Variants in CEP128 observed in about 807,000 individuals in gnomAD.
CEP128 encodes centrosomal protein 128kDa.
A neutral mutation model predicts 156.7 loss-of-function variants in CEP128; 132 were observed. The ratio of observed to expected loss-of-function variants is 0.84; its 90% CI spans 0.73 to 0.97. The LOEUF (loss-of-function observed/expected upper bound fraction) is 0.97. Among genes scored for constraint, CEP128 ranks in the 50% least tolerant of loss-of-function variants. The pLI is 0.00. For missense variants in CEP128, 1,252 were observed against 1,281.9 expected (o/e 0.98, Z 0.36); for synonymous variants, 469 against 448.9 (o/e 1.04, Z -0.57).
intron 19 of CEP128, among the ~76,000 whole-genome samples, chr14:80,613,661 A>G (rs1893098206): frequency 6.6e-6 from 1 of 152,024 alleles, no homozygotes; most frequent in Non-Finnish European, 1.5e-5. Context: ...TATTCAAATG[A>G]CGCTTTATAA....
At chr14:80,715,321 A>G (rs1161350608) in intron 19 of CEP128, among the ~76,000 whole-genome samples, 2 of 152,226 alleles carry the variant, frequency 1.3e-5, no homozygotes, top group African/African-American at 2.4e-5. Flanking sequence ...CTACTCTGAA[A>G]ATAGACCTCA....
At chr14:80,582,433 G>A (rs1258303592) in intron 19 of CEP128, among the ~76,000 whole-genome samples, 1 of 152,124 alleles carries the variant, frequency 6.6e-6, no homozygotes, top group Non-Finnish European at 1.5e-5. Context: ...ATAACAACTA[G>A]AGCAGGTCTG....
At chr14:80,769,380 T>C (rs2139725475) in intron 16 of CEP128, among the ~76,000 whole-genome samples, 1 of 152,244 alleles carries the variant, frequency 6.6e-6, no homozygotes, top group Non-Finnish European at 1.5e-5. Flanking sequence ...ATGTACCCAT[T>C]AACTCGTCAT....
At chr14:80,647,112 CACACACACACACAT>C (rs1199600591) in intron 19 of CEP128, among the ~76,000 whole-genome samples, 2 of 115,490 alleles carry the variant, frequency 1.7e-5, no homozygotes, top group Admixed American at 2.0e-4. Context: ...CACATACACA[CACACACACACACAT>C]ACACACACAC....
At chr14:80,791,816 C>CA (rs1262885138) in intron 14 of CEP128, among the ~76,000 whole-genome samples, 1 of 152,242 alleles carries the variant, frequency 6.6e-6, no homozygotes, top group East Asian at 1.9e-4. Flanking sequence ...GCATCTTTTC[C>CA]ATGACAGCTC....
chr14:80,828,021 A>C (rs1268006330), intron 13 of CEP128, among the ~76,000 whole-genome samples: 2 of 152,168 alleles, frequency 1.3e-5, no homozygotes, highest in South Asian at 2.1e-4. Context: ...TGTCTCCACC[A>C]ATGTAAGGGC....
intron 13 of CEP128, among the ~76,000 whole-genome samples, chr14:80,801,891 G>C (rs1228286207): frequency 8.7e-6 from 1 of 115,568 alleles, no homozygotes; most frequent in African/African-American, 3.2e-5. Context: ...CTGGGTGACA[G>C]TGTGAGACTC....
chr14:80,497,021 G>A lies in CEP128; in HGVS notation c.*458C>T, dbSNP rs1887521247. On this transcript the variant is annotated 3_prime_UTR_variant, in exon 25 of 25. Transcript: ENST00000555265. ...CACATCTCCACATGTTATAACACAT[G>A]ATAATTTATTAGGGAGAAAATTTTT... The A allele has an allele frequency of 8.2e-6, 1 of 122,154 alleles. No individual in the cohort carries two copies. Among genetic ancestry groups the A allele is most frequent in the African/African-American group, 2.7e-5 (1 of 36,646 alleles). The allele number at this position is 122,154 out of a possible 1,614,324, so 7.6% of individuals were successfully genotyped here.
intron 20 of CEP128, among the ~76,000 whole-genome samples, chr14:80,562,442 T>C (rs1008173231): frequency 5.3e-5 from 8 of 152,162 alleles, no homozygotes; most frequent in African/African-American, 1.7e-4. Context: ...TCTGTCTCAA[T>C]TGTAGGCTGT....
intron 24 of CEP128, 52 bp from the exon 25 acceptor site, chr14:80,497,634 G>T: frequency 1.6e-6 from 2 of 1,240,864 alleles, no homozygotes; most frequent in Non-Finnish European, 2.3e-6. Context: ...TATAAAACTG[G>T]CCTAAAAAAT....
chr14:80,944,738 C>T (rs11846509), upstream of CEP128, among the ~76,000 whole-genome samples: 9,956 of 140,800 alleles, frequency 0.071, 1,100 homozygotes, highest in African/African-American at 0.24. Flanking sequence ...AGGAGAACGG[C>T]GTAAACCCGG....
chr14:80,939,066 T>A (rs1055129674), intron 2 of CEP128, among the ~76,000 whole-genome samples: 1 of 152,134 alleles, frequency 6.6e-6, no homozygotes, highest in Non-Finnish European at 1.5e-5. Flanking sequence ...AAGATAAGCA[T>A]GGTAAAGGAA....
chr14:80,787,671 G>A (rs1215558316), intron 14 of CEP128, among the ~76,000 whole-genome samples: 3 of 152,216 alleles, frequency 2.0e-5, no homozygotes, highest in East Asian at 1.9e-4. Flanking sequence ...GGGACTGAGC[G>A]AGGGTAGGGA....
rs1362499053 is a variant in CEP128, at chr14:80,860,583, T to C, written c.762+2174A>G. 4.6e-5 allele frequency among the ~76,000 whole-genome samples: 7 copies of C among 152,114 alleles called. No individual in the cohort carries two copies. In the East Asian group the frequency reaches 7.7e-4, roughly 17 times the overall value. ...TAGTACTATTCTTATGCTCACCAGA[T>C]ATAATTTGCTTTGAGAACAAATGTA... On this transcript the variant is annotated intron_variant, in intron 9 of 24. Transcript: ENST00000555265.
chr14:80,777,792 C>T (rs1467148943), intron 16 of CEP128, 90 bp downstream of exon 16: 2 of 1,050,606 alleles, frequency 1.9e-6, no homozygotes, highest in African/African-American at 1.6e-5. Context: ...TGAAGGACTA[C>T]AATTATCATT....
rs141470281 is a variant in CEP128 at position 80,507,041 on chromosome 14, C to CT, written c.3073-2022dup. ...GTGTGGCACCTCCCCTCAGCTCTTG[C>CT]TGCTGCTTTTGCCATGTGAAGTGCC... On this transcript the variant is annotated intron_variant, in intron 23 of 24. Transcript: ENST00000555265. Among the ~76,000 whole-genome samples, 235 of 152,040 alleles carry CT rather than the reference C, an allele frequency of 1.5e-3. 1 individual carries two copies. Among genetic ancestry groups the CT allele is most frequent in the African/African-American group, 5.3e-3 (221 of 41,502 alleles).
At chr14:80,749,836 G>A (rs1330436888) in intron 18 of CEP128, among the ~76,000 whole-genome samples, 3 of 152,132 alleles carry the variant, frequency 2.0e-5, no homozygotes, top group Non-Finnish European at 4.4e-5. Flanking sequence ...ACAATGATGT[G>A]ATCATTATAC....
chr14:80,506,593 A>T (rs1300631776), intron 23 of CEP128, among the ~76,000 whole-genome samples: 1 of 151,948 alleles, frequency 6.6e-6, no homozygotes, highest in Non-Finnish European at 1.5e-5. Flanking sequence ...GCCCAGAAAG[A>T]TTTCTCAAAA....
chr14:80,484,992 T>A (rs944268182), intron 14 of CEP128, among the ~76,000 whole-genome samples: 12 of 152,122 alleles, frequency 7.9e-5, no homozygotes, highest in African/African-American at 2.9e-4. Context: ...TAACACATTG[T>A]CTACAGCTCA....
Sources: gnomAD v4.1 joint callset for allele counts (sites outside exome capture counted in the v4.1 genomes callset) on GRCh38, gnomAD v4.1.1 for gene constraint, MANE v1.5 for transcripts, NCBI Gene and HGNC (gene_info 2026-07-23, HGNC 2026-07-21) for gene names.